Variants in TSPAN8 observed in about 807,000 individuals in gnomAD.
The protein encoded by TSPAN8 is tetraspanin 8.
Under a neutral mutation model 32.8 loss-of-function variants are expected in TSPAN8, and 21 were observed. The ratio of observed to expected loss-of-function variants is 0.64; its 90% CI spans 0.45 to 0.92. The LOEUF is 0.92. Among genes scored for constraint, TSPAN8 ranks in the 40% least tolerant of loss-of-function variants. TSPAN8 has a pLI of 0.00. For missense variants in TSPAN8, 269 were observed against 281.9 expected, an observed-to-expected ratio of 0.95 and a Z score of 0.33; for synonymous variants, 95 against 94.6, an observed-to-expected ratio of 1.00 and a Z score of -0.03.
chr12:71,138,109 T>TGTGGTATTC (rs1565785479), intron 5 of TSPAN8, 47 bp downstream of exon 5: 2 of 1,610,016 alleles, frequency 1.2e-6, no homozygotes, highest in Admixed American at 3.4e-5. Context: ...AGGTAGTATT[T>TGTGGTATTC]CAATTTTTCA....
chr12:71,145,007 A>G (rs372121066), intron 2 of TSPAN8, among the ~76,000 whole-genome samples: 5 of 152,084 alleles, frequency 3.3e-5, no homozygotes, highest in African/African-American at 1.2e-4. Context: ...TCAAAGATCT[A>G]TTATTAGATA....
At chr12:71,149,593 C>T (rs1437706864) in intron 2 of TSPAN8, among the ~76,000 whole-genome samples, 1 of 152,236 alleles carries the variant, frequency 6.6e-6, no homozygotes, top group African/African-American at 2.4e-5. Context: ...GAGGGACTGG[C>T]TGGAGCCGCG....
In TSPAN8 at chr12:71,144,218, A is replaced by G; in HGVS notation, c.61-5T>C. The G allele has an allele frequency of 1.2e-6, 2 of 1,609,796 alleles. No homozygotes were observed. The highest frequency in any genetic ancestry group is 1.7e-6 in the Non-Finnish European group (2 of 1,179,078). On this transcript the variant is annotated splice_region_variant and splice_polypyrimidine_tract_variant and intron_variant, in intron 2 of 8. Coordinates refer to ENST00000247829, the MANE Select transcript of TSPAN8 (RefSeq NM_004616.3). Reference sequence around the variant, plus strand: ...TAGGATCAAGATACCACATAGCTGCAGAAAAAAACAAACAAACAAAAAGAA... The same window carrying G: ...TAGGATCAAGATACCACATAGCTGCGGAAAAAAACAAACAAACAAAAAGAA...
chr12:71,143,079 C>T (rs995186419), intron 3 of TSPAN8, among the ~76,000 whole-genome samples: 1 of 152,136 alleles, frequency 6.6e-6, no homozygotes, highest in Non-Finnish European at 1.5e-5. Flanking sequence ...CAAAATTCTT[C>T]TCAGAGAGGA....
At chr12:71,149,091 A>G (rs1163806457) in intron 2 of TSPAN8, among the ~76,000 whole-genome samples, 2 of 152,130 alleles carry the variant, frequency 1.3e-5, no homozygotes, top group East Asian at 3.9e-4. Context: ...AAAAGATGAG[A>G]CCAATTCTGA....
At position 71,138,074 on chromosome 12, in the gene TSPAN8, A is replaced by C; in HGVS notation, c.337-14T>G. 2 of 1,611,652 alleles carry C rather than the reference A, an allele frequency of 1.2e-6. No individual in the cohort carries two copies. The highest frequency in any genetic ancestry group is 1.7e-6 in the Non-Finnish European group (2 of 1,179,342). ...AATGCGATCAGACTGAAAATTGAAA[A>C]GTATTTTACATTATTCACGCCACAA... is the stretch of plus-strand genomic sequence containing the variant. On this transcript the variant is annotated splice_polypyrimidine_tract_variant and intron_variant, in intron 5 of 8. Coordinates refer to ENST00000247829, the MANE Select transcript of TSPAN8 (RefSeq NM_004616.3).
chr12:71,153,878 A>T (rs558200233), intron 2 of TSPAN8, among the ~76,000 whole-genome samples: 2 of 152,330 alleles, frequency 1.3e-5, no homozygotes, highest in East Asian at 3.9e-4. Context: ...TTATGTAGAG[A>T]TTGTAAATCC....
chr12:71,138,053 C>A lies in TSPAN8; in HGVS notation c.344G>T (p.Arg115Leu), dbSNP rs756170144. 6.2e-7 allele frequency: 1 copy of A among 1,613,438 alleles called. No homozygotes were observed. The highest frequency in any genetic ancestry group is 1.7e-5 in the Admixed American group (1 of 59,822). Residue 115 changes from arginine to leucine, a missense_variant, in exon 6 of 9, where the codon CGC (arginine) becomes CTC (leucine). Arg to Leu is a moderately radical substitution (Grantham distance 102, BLOSUM62 -2). Coordinates refer to ENST00000247829, the MANE Select transcript of TSPAN8 (RefSeq NM_004616.3). ...TTCATAGAGAGTTTCATTCACAATGCGATCAGACTGAAAATTGAAAAGTAT... is the reference window on the plus strand; with the variant it reads ...TTCATAGAGAGTTTCATTCACAATGAGATCAGACTGAAAATTGAAAAGTAT... ...LGAVFKSKSD[R>L]IVNETLYENT...
At chr12:71,149,062 T>G (rs1222121611) in intron 2 of TSPAN8, among the ~76,000 whole-genome samples, 1 of 152,200 alleles carries the variant, frequency 6.6e-6, no homozygotes, top group African/African-American at 2.4e-5. Flanking sequence ...TTATTAGGTC[T>G]TATGCTAAAT....
At chr12:71,133,523 C>T (rs1271098025) in intron 6 of TSPAN8, among the ~76,000 whole-genome samples, 1 of 152,036 alleles carries the variant, frequency 6.6e-6, no homozygotes, top group African/African-American at 2.4e-5. Flanking sequence ...GTGAAATTTC[C>T]ACTCCATGAT....
At chr12:71,156,696 A>C (rs953416954) in intron 2 of TSPAN8, among the ~76,000 whole-genome samples, 1 of 152,206 alleles carries the variant, frequency 6.6e-6, no homozygotes, top group African/African-American at 2.4e-5. Context: ...CTGTTTACTA[A>C]AGATCAGGTA....
intron 8 of TSPAN8, among the ~76,000 whole-genome samples, chr12:71,128,280 G>A (rs1021991911): frequency 2.6e-5 from 4 of 152,150 alleles, no homozygotes; most frequent in East Asian, 1.9e-4. Context: ...AATTCCACCA[G>A]CAAACTAAAT....
At position 71,157,785 on chromosome 12, in the gene TSPAN8, C is replaced by T. The variant is rs917258218; in HGVS notation, c.-107G>A. On this transcript the variant is annotated splice_region_variant and 5_prime_UTR_variant, in exon 2 of 9. The change creates a new upstream start codon in the 5' untranslated region. Coordinates refer to ENST00000247829, the MANE Select transcript of TSPAN8 (RefSeq NM_004616.3). The stretch of plus-strand genomic sequence containing the variant: ...TTGCCTGCAGAGATTTCTGTATCCA[C>T]GGCTTCAGAGCAGAAAGAGAAAGCA... The T allele has an allele frequency of 6.2e-6, 5 of 803,478 alleles. No homozygotes were observed. The highest frequency in any genetic ancestry group is 5.2e-5 in the African/African-American group (3 of 58,186). 49.8% of individuals were successfully genotyped at this position (803,478 alleles called of 1,614,324 possible).
intron 6 of TSPAN8, among the ~76,000 whole-genome samples, chr12:71,134,486 T>C (rs1236254322): frequency 1.3e-5 from 2 of 152,242 alleles, no homozygotes. Context: ...CTTGTACTTA[T>C]GTCCAAAGAC....
chr12:71,157,878 C>T, intron 1 of TSPAN8, 52 bp downstream of exon 1: 3 of 562,824 alleles, frequency 5.3e-6, no homozygotes, highest in East Asian at 5.6e-5. Flanking sequence ...ATTTAAATAT[C>T]GCAAAGGCTA....
chr12:71,144,143 A>G lies in TSPAN8; in HGVS notation c.123+8T>C. ...TGGGGAAAGGGTGACTTGTTTTTGC[A>G]TACTTACTGCTTGAGAGTCATTGCT... On this transcript the variant is annotated splice_region_variant and intron_variant, in intron 3 of 8. Transcript: ENST00000247829. The G allele has an allele frequency of 6.2e-7, 1 of 1,609,518 alleles. No homozygotes were observed. Among genetic ancestry groups the G allele is most frequent in the South Asian group, 1.1e-5 (1 of 90,530 alleles).
intron 2 of TSPAN8, among the ~76,000 whole-genome samples, chr12:71,152,301 G>A (rs1872281841): frequency 6.6e-6 from 1 of 152,176 alleles, no homozygotes; most frequent in South Asian, 2.1e-4. Context: ...CATGATAGAA[G>A]AATTTCTGCC....
intron 7 of TSPAN8, among the ~76,000 whole-genome samples, chr12:71,131,550 T>C (rs1294729259): frequency 2.6e-5 from 4 of 151,722 alleles, no homozygotes. Flanking sequence ...TCGGGTATTA[T>C]AGATATTAAT....
chr12:71,127,480 A>C (rs908124414), intron 8 of TSPAN8, among the ~76,000 whole-genome samples: 1 of 152,170 alleles, frequency 6.6e-6, no homozygotes, highest in Non-Finnish European at 1.5e-5. Flanking sequence ...ATCTGCAGAG[A>C]GTCTAGAAAT....
Sources: allele counts gnomAD v4.1 joint callset (sites outside exome capture counted in the v4.1 genomes callset), GRCh38; gene constraint gnomAD v4.1.1; transcripts MANE v1.5; gene names NCBI Gene and HGNC (gene_info 2026-07-23, HGNC 2026-07-21).